ROBO2: variants seen among roughly 807,000 people sequenced by gnomAD.
The protein encoded by ROBO2 is roundabout guidance receptor 2.
Under a neutral mutation model 160.8 loss-of-function variants are expected in ROBO2, and 53 were observed. The ratio of observed to expected loss-of-function variants is 0.33; its 90% CI spans 0.26 to 0.41. The LOEUF (loss-of-function observed/expected upper bound fraction) is 0.41, where lower values mean the gene tolerates loss of function less well. Ranked by LOEUF, ROBO2 falls within the 10% of genes least tolerant of loss-of-function variation. The pLI is 1.00. For missense variants in ROBO2, 1,577 were observed against 1,722.4 expected, an observed-to-expected ratio of 0.92 and a Z score of 1.49; for synonymous variants, 664 against 611.7, an observed-to-expected ratio of 1.09 and a Z score of -1.26.
chr3:75,939,572 A>C (rs1443183044), intron 2 of ROBO2, among the ~76,000 whole-genome samples: 1 of 152,162 alleles, frequency 6.6e-6, no homozygotes, highest in Non-Finnish European at 1.5e-5. Context: ...CAAAGAACAA[A>C]ACAACTTAAT....
intron 2 of ROBO2, among the ~76,000 whole-genome samples, chr3:76,158,743 CTT>C (rs1048918066): frequency 6.6e-6 from 1 of 152,104 alleles, no homozygotes; most frequent in Admixed American, 6.6e-5. Context: ...GTGAGAAAGA[CTT>C]GTATCAAGCA....
At chr3:77,577,732 T>C in intron 15 of ROBO2, 118 bp downstream of exon 16, 1 of 1,242,154 alleles carries the variant, frequency 8.1e-7, no homozygotes, top group African/African-American at 1.5e-5. Flanking sequence ...GTAAAGTTTT[T>C]ATTTATATTT....
chr3:76,556,521 ATATGCATAT>A (rs1176010965), intron 2 of ROBO2, among the ~76,000 whole-genome samples: 1 of 152,190 alleles, frequency 6.6e-6, no homozygotes, highest in Non-Finnish European at 1.5e-5. Context: ...CAGTTGATAC[ATATGCATAT>A]TATAAGTGTT....
At chr3:76,116,185 CT>C (rs1281581628) in intron 2 of ROBO2, among the ~76,000 whole-genome samples, 2 of 152,030 alleles carry the variant, frequency 1.3e-5, no homozygotes, top group Admixed American at 1.3e-4. Flanking sequence ...CTTATATTCC[CT>C]TAGGTAATGC....
chr3:76,256,330 TCTCTCTCTCTCTCTCTCTCTC>T (rs1299198011), intron 2 of ROBO2, among the ~76,000 whole-genome samples: 75 of 95,184 alleles, frequency 7.9e-4, no homozygotes, highest in Middle Eastern at 5.8e-3. Flanking sequence ...TCTCTCTCTC[TCTCTCTCTCTCTCTCTCTCTC>T]TCACATACAC....
intron 2 of ROBO2, among the ~76,000 whole-genome samples, chr3:76,496,756 C>T (rs1190109075): frequency 6.6e-6 from 1 of 152,154 alleles, no homozygotes; most frequent in Non-Finnish European, 1.5e-5. Context: ...ACAACCCCTA[C>T]CCAAAATATC....
chr3:76,747,258 C>T (rs935578630), intron 2 of ROBO2, among the ~76,000 whole-genome samples: 1 of 152,036 alleles, frequency 6.6e-6, no homozygotes, highest in Non-Finnish European at 1.5e-5. Context: ...AAGTGATTTG[C>T]AGAGCAGTGT....
intron 2 of ROBO2, among the ~76,000 whole-genome samples, chr3:75,992,143 G>T (rs1395208585): frequency 7.2e-5 from 11 of 152,154 alleles, no homozygotes; most frequent in African/African-American, 2.7e-4. Context: ...GCCAGCTGCA[G>T]AAATTTGCAT....
intron 2 of ROBO2, among the ~76,000 whole-genome samples, chr3:76,882,155 G>A (rs1452818884): frequency 1.3e-5 from 2 of 151,818 alleles, no homozygotes; most frequent in African/African-American, 4.8e-5. Context: ...TTGGGGGGGT[G>A]TGTGTGCGTG....
intron 2 of ROBO2, among the ~76,000 whole-genome samples, chr3:76,644,149 T>C (rs2090845600): frequency 6.6e-6 from 1 of 152,180 alleles, no homozygotes; most frequent in Admixed American, 6.5e-5. Flanking sequence ...AGGCACTATC[T>C]TCACTATCAA....
intron 2 of ROBO2, among the ~76,000 whole-genome samples, chr3:77,177,207 C>G (rs1368288120): frequency 6.6e-6 from 1 of 151,948 alleles, no homozygotes; most frequent in Non-Finnish European, 1.5e-5. Flanking sequence ...AACAAAATTT[C>G]AAGTCCAAAA....
At chr3:77,309,314 C>G (rs1455922106) in intron 2 of ROBO2, among the ~76,000 whole-genome samples, 1 of 152,034 alleles carries the variant, frequency 6.6e-6, no homozygotes, top group Admixed American at 6.5e-5. Context: ...ATCTCAAAAG[C>G]AGATTTAGAG....
intron 2 of ROBO2, among the ~76,000 whole-genome samples, chr3:76,004,183 G>A (rs1248786275): frequency 6.6e-6 from 1 of 152,046 alleles, no homozygotes; most frequent in Non-Finnish European, 1.5e-5. Context: ...TAATCAAATG[G>A]AACACTAGTT....
At chr3:76,602,822 AGAT>A (rs2087263723) in intron 2 of ROBO2, among the ~76,000 whole-genome samples, 1 of 152,156 alleles carries the variant, frequency 6.6e-6, no homozygotes, top group South Asian at 2.1e-4. Flanking sequence ...TTACAATTCA[AGAT>A]GAGATTTGGG....
chr3:76,401,625 A>G (rs978101913), intron 2 of ROBO2, among the ~76,000 whole-genome samples: 9 of 151,428 alleles, frequency 5.9e-5, no homozygotes, highest in African/African-American at 2.2e-4. Flanking sequence ...GCTGTTCTAC[A>G]TGGCTCCCAT....
At chr3:76,362,228 T>C (rs1033956758) in intron 2 of ROBO2, among the ~76,000 whole-genome samples, 5 of 151,728 alleles carry the variant, frequency 3.3e-5, no homozygotes, top group African/African-American at 9.7e-5. Context: ...GCTGGATGGG[T>C]TGAGGCTCCT....
At chr3:77,292,209 G>A (rs1056380639) in intron 2 of ROBO2, among the ~76,000 whole-genome samples, 2 of 151,562 alleles carry the variant, frequency 1.3e-5, no homozygotes, top group Non-Finnish European at 3.0e-5. Context: ...ATGGTTAAAC[G>A]GGTAAGCTGA....
chr3:75,991,239 A>G (rs2065558850), intron 2 of ROBO2, among the ~76,000 whole-genome samples: 1 of 152,184 alleles, frequency 6.6e-6, no homozygotes, highest in African/African-American at 2.4e-5. Context: ...TGATTATAAT[A>G]AGGAAAAGAT....
At chr3:77,358,121 G>A (rs567404272) in intron 2 of ROBO2, among the ~76,000 whole-genome samples, 6 of 152,280 alleles carry the variant, frequency 3.9e-5, no homozygotes, top group African/African-American at 1.4e-4. Context: ...CAGAGTTTTT[G>A]TTGCAAACTG....
Sources: allele counts gnomAD v4.1 joint callset (sites outside exome capture counted in the v4.1 genomes callset), GRCh38; gene constraint gnomAD v4.1.1; transcripts MANE v1.5; gene names NCBI Gene and HGNC (gene_info 2026-07-23, HGNC 2026-07-21).